HM13: variants seen among roughly 807,000 people sequenced by gnomAD.
HM13 encodes histocompatibility minor 13.
A neutral mutation model predicts 50.0 loss-of-function variants in HM13; 18 were observed. The ratio of observed to expected loss-of-function variants is 0.36; its 90% CI spans 0.25 to 0.53. The LOEUF is 0.53. HM13 is among the 20% of genes least tolerant of loss of function. HM13 has a pLI of 0.90. For synonymous variants in HM13, 197 were observed against 232.6 expected (o/e 0.85, Z 1.39); for missense variants, 393 against 552.4 (o/e 0.71, Z 2.89).
At chr20:31,547,991 G>A in intron 4 of HM13, 2 of 1,584,776 alleles carry the variant, frequency 1.3e-6, no homozygotes, top group East Asian at 2.2e-5. Context: ...AAAGGAATTG[G>A]CATTGAAAAT....
chr20:31,521,461 C>T (rs1344207871), intron 1 of HM13, among the ~76,000 whole-genome samples: 1 of 152,244 alleles, frequency 6.6e-6, no homozygotes, highest in East Asian at 1.9e-4. Flanking sequence ...CGTGATGGCT[C>T]ACGCCTGTAA....
chr20:31,520,636 A>C (rs111699816), intron 1 of HM13, among the ~76,000 whole-genome samples: 2 of 152,118 alleles, frequency 1.3e-5, no homozygotes, highest in African/African-American at 4.8e-5. Flanking sequence ...TACGTGATAC[A>C]ATCAGGTGTA....
intron 8 of HM13, among the ~76,000 whole-genome samples, chr20:31,558,165 CT>C (rs1568797897): frequency 6.6e-6 from 1 of 152,148 alleles, no homozygotes; most frequent in Non-Finnish European, 1.5e-5. Context: ...CTTTCTTTTT[CT>C]TTTTTCTTTT....
chr20:31,526,034 G>A (rs183402330), intron 1 of HM13, among the ~76,000 whole-genome samples: 4 of 152,228 alleles, frequency 2.6e-5, no homozygotes, highest in South Asian at 4.1e-4. Flanking sequence ...GCTGAGGCGG[G>A]AGAATTGATT....
At chr20:31,526,347 C>T (rs573943302) in intron 1 of HM13, among the ~76,000 whole-genome samples, 7 of 151,776 alleles carry the variant, frequency 4.6e-5, no homozygotes, top group East Asian at 2.0e-4. Flanking sequence ...TTAGTAGAGA[C>T]GGGGTTTCAC....
At chr20:31,560,476 C>T (rs1329744069) in intron 9 of HM13, among the ~76,000 whole-genome samples, 1 of 152,230 alleles carries the variant, frequency 6.6e-6, no homozygotes, top group East Asian at 1.9e-4. Context: ...TTTTCCCACT[C>T]ACATACACCT....
intron 11 of HM13, chr20:31,567,626 C>T (rs1200561879): frequency 6.5e-6 from 1 of 153,310 alleles, no homozygotes; most frequent in East Asian, 1.9e-4. Context: ...TATATTGGTA[C>T]CACATTCACA....
chr20:31,567,862 C>G (rs1408546035), intron 11 of HM13: 2 of 546,670 alleles, frequency 3.7e-6, no homozygotes, highest in Non-Finnish European at 6.4e-6. Flanking sequence ...CATGCTTGTT[C>G]TTCTGCACAG....
At chr20:31,555,529 G>A (rs538525001) in intron 8 of HM13, among the ~76,000 whole-genome samples, 2 of 152,298 alleles carry the variant, frequency 1.3e-5, no homozygotes, top group South Asian at 4.1e-4. Context: ...CTACCAGTCA[G>A]GAAAGAGACT....
At chr20:31,519,010 A>G (rs1472730477) in intron 1 of HM13, among the ~76,000 whole-genome samples, 1 of 152,152 alleles carries the variant, frequency 6.6e-6, no homozygotes, top group Non-Finnish European at 1.5e-5. Context: ...TTCCCTCCTC[A>G]GAGGCAGCCC....
At chr20:31,517,123 G>C (rs1308922200) in intron 1 of HM13, among the ~76,000 whole-genome samples, 1 of 152,166 alleles carries the variant, frequency 6.6e-6, no homozygotes, top group Non-Finnish European at 1.5e-5. Context: ...GTGAAAAGGA[G>C]AGAGAAGAGT....
At chr20:31,532,379 C>T (rs1295897662) in intron 2 of HM13, among the ~76,000 whole-genome samples, 3 of 152,146 alleles carry the variant, frequency 2.0e-5, no homozygotes, top group African/African-American at 7.2e-5. Flanking sequence ...GAGCCGAGAT[C>T]GTGCCCCTGC....
At position 31,569,363 on chromosome 20, in the gene HM13, C is replaced by CT; in HGVS notation, c.*145dup. On this transcript the variant is annotated 3_prime_UTR_variant, in exon 13 of 13. Transcript: ENST00000398174. ...CAGCAGGATACCTCCAGCCAGGCCT[C>CT]TGTGGCCTCTGTTTCCTTCTCCCTT... The CT allele has an allele frequency of 1.9e-6, 1 of 535,276 alleles. No individual in the cohort carries two copies. Among genetic ancestry groups the CT allele is most frequent in the Non-Finnish European group, 3.4e-6 (1 of 291,968 alleles). 33.2% of individuals were successfully genotyped at this position (535,276 alleles called of 1,614,324 possible).
intron 1 of HM13, among the ~76,000 whole-genome samples, chr20:31,526,610 C>T (rs957538293): frequency 3.9e-5 from 6 of 152,320 alleles, no homozygotes; most frequent in South Asian, 2.1e-4. Flanking sequence ...TCTTTACCCA[C>T]ATCACATTCT....
rs190256827 is a variant in HM13, at chr20:31,543,495, G to T, written c.366-1452G>T. Among the ~76,000 whole-genome samples the T allele has an allele frequency of 4.5e-4, 68 of 151,850 alleles. No homozygotes were observed. The East Asian group carries it at 0.012, about 26-fold the overall frequency. On this transcript the variant is annotated intron_variant, in intron 3 of 12. Transcript: ENST00000398174. ...GTAGAGATGAGGTTTTGCCATGTTGGCCAGGCTGGTCTCGAACTCCTGACC... is the reference window on the plus strand; with the variant it reads ...GTAGAGATGAGGTTTTGCCATGTTGTCCAGGCTGGTCTCGAACTCCTGACC...
intron 10 of HM13, among the ~76,000 whole-genome samples, chr20:31,565,481 CAAAAAAAA>C (rs549803053): frequency 1.1e-5 from 1 of 90,084 alleles, no homozygotes; most frequent in Non-Finnish European, 2.4e-5. Flanking sequence ...GACTCTGTCT[CAAAAAAAA>C]AAAAAAAAAA....
intron 2 of HM13, among the ~76,000 whole-genome samples, chr20:31,528,723 C>T (rs1474280972): frequency 1.3e-5 from 2 of 152,218 alleles, no homozygotes; most frequent in Admixed American, 6.5e-5. Context: ...ATGATCCACC[C>T]GCCTTGGCCT....
intron 7 of HM13, among the ~76,000 whole-genome samples, chr20:31,550,719 A>G (rs1299404969): frequency 1.3e-5 from 2 of 152,214 alleles, no homozygotes; most frequent in Non-Finnish European, 2.9e-5. Context: ...GCATTTTAAG[A>G]TTGTATAAAA....
At chr20:31,546,580 G>C (rs963757320) in intron 4 of HM13, among the ~76,000 whole-genome samples, 5 of 151,542 alleles carry the variant, frequency 3.3e-5, no homozygotes, top group Non-Finnish European at 5.9e-5. Flanking sequence ...GCGAAACCCC[G>C]TCTCTACTAA....
Sources: allele counts gnomAD v4.1 joint callset (sites outside exome capture counted in the v4.1 genomes callset), GRCh38; gene constraint gnomAD v4.1.1; transcripts MANE v1.5; gene names NCBI Gene and HGNC (gene_info 2026-07-23, HGNC 2026-07-21).